GNAQ: variants seen among roughly 807,000 people sequenced by gnomAD.
GNAQ encodes the protein G protein subunit alpha q, also known as guanine nucleotide-binding protein G(q) subunit alpha.
Under a neutral mutation model 43.9 loss-of-function variants are expected in GNAQ, and 8 were observed. The observed-to-expected ratio is 0.18, with a 90% confidence interval of 0.11 to 0.33. The LOEUF is 0.33. Among genes scored for constraint, GNAQ ranks in the 10% least tolerant of loss-of-function variants. The pLI, the probability that GNAQ is intolerant of heterozygous loss-of-function variation, is 1.00. For synonymous variants in GNAQ, 155 were observed against 170.7 expected, an observed-to-expected ratio of 0.91 and a Z score of 0.71; for missense variants, 158 against 450.8, an observed-to-expected ratio of 0.35 and a Z score of 5.88.
At chr9:77,759,255 G>A (rs1490730506) in intron 5 of GNAQ, among the ~76,000 whole-genome samples, 2 of 152,028 alleles carry the variant, frequency 1.3e-5, no homozygotes, top group African/African-American at 4.8e-5. Flanking sequence ...CAAAAATAAC[G>A]TTACAGTTCT....
chr9:77,817,059 CT>C (rs1274088917), intron 2 of GNAQ, among the ~76,000 whole-genome samples: 1 of 152,122 alleles, frequency 6.6e-6, no homozygotes, highest in African/African-American at 2.4e-5. Context: ...ATCCCTGTAG[CT>C]GCTTTCTGTA....
intron 1 of GNAQ, among the ~76,000 whole-genome samples, chr9:78,013,517 T>G (rs1823800600): frequency 6.7e-6 from 1 of 148,536 alleles, no homozygotes; most frequent in Non-Finnish European, 1.5e-5. Flanking sequence ...CCTGCGTCCA[T>G]GTGTTCTCAT....
At chr9:78,029,834 G>A (rs917063351) in intron 1 of GNAQ, among the ~76,000 whole-genome samples, 3 of 152,194 alleles carry the variant, frequency 2.0e-5, no homozygotes, top group Non-Finnish European at 4.4e-5. Flanking sequence ...AGAAATGTTT[G>A]AGAAACACAT....
intron 1 of GNAQ, among the ~76,000 whole-genome samples, chr9:78,000,966 G>A (rs1823636343): frequency 6.6e-6 from 1 of 152,190 alleles, no homozygotes; most frequent in South Asian, 2.1e-4. Context: ...TAACTTTGCA[G>A]TAACCTTGTG....
chr9:77,778,300 T>A (rs1237505457), intron 5 of GNAQ, among the ~76,000 whole-genome samples: 1 of 151,698 alleles, frequency 6.6e-6, no homozygotes, highest in Non-Finnish European at 1.5e-5. Context: ...AAAGAAGGAA[T>A]TAAAAGTATT....
chr9:77,774,987 C>G (rs927791527), intron 5 of GNAQ, among the ~76,000 whole-genome samples: 1 of 152,034 alleles, frequency 6.6e-6, no homozygotes, highest in South Asian at 2.1e-4. Context: ...ATGTATGCAC[C>G]TATAATAAAT....
chr9:77,839,157 T>C (rs2117870154), intron 2 of GNAQ, among the ~76,000 whole-genome samples: 1 of 152,236 alleles, frequency 6.6e-6, no homozygotes, highest in South Asian at 2.1e-4. Flanking sequence ...TGAACAGCAA[T>C]ATGTTGTTAG....
chr9:77,964,854 T>C (rs1325904542), intron 1 of GNAQ, among the ~76,000 whole-genome samples: 1 of 152,270 alleles, frequency 6.6e-6, no homozygotes, highest in African/African-American at 2.4e-5. Context: ...CTCATTTTTA[T>C]AACTAATAAT....
chr9:77,962,474 T>C (rs981463780), intron 1 of GNAQ, among the ~76,000 whole-genome samples: 1 of 151,992 alleles, frequency 6.6e-6, no homozygotes, highest in African/African-American at 2.4e-5. Flanking sequence ...ATTTACTGCT[T>C]ACAAAAAACA....
chr9:77,981,484 C>CG (rs1400545185), intron 1 of GNAQ, among the ~76,000 whole-genome samples: 1 of 152,144 alleles, frequency 6.6e-6, no homozygotes, highest in Non-Finnish European at 1.5e-5. Flanking sequence ...TGGAAGGCCA[C>CG]GGCACAGCAG....
chr9:77,890,746 G>A (rs941849653), intron 2 of GNAQ, among the ~76,000 whole-genome samples: 7 of 152,146 alleles, frequency 4.6e-5, no homozygotes, highest in Non-Finnish European at 8.8e-5. Flanking sequence ...CATAGCTCTA[G>A]TAACAAAAAT....
chr9:77,765,798 C>A (rs953368406), intron 5 of GNAQ, among the ~76,000 whole-genome samples: 2 of 152,166 alleles, frequency 1.3e-5, no homozygotes, highest in African/African-American at 4.8e-5. Flanking sequence ...TTGAGTAGCA[C>A]AATTCACGAC....
At chr9:77,971,628 C>T (rs1823237901) in intron 1 of GNAQ, among the ~76,000 whole-genome samples, 1 of 152,202 alleles carries the variant, frequency 6.6e-6, no homozygotes, top group African/African-American at 2.4e-5. Flanking sequence ...TGGAACGTAT[C>T]TCAAAATAAT....
chr9:77,777,674 CT>C (rs1012228617), intron 5 of GNAQ, among the ~76,000 whole-genome samples: 1 of 151,906 alleles, frequency 6.6e-6, no homozygotes, highest in African/African-American at 2.4e-5. Flanking sequence ...GGCAGAGGAT[CT>C]AAATAGACAT....
At chr9:77,811,220 A>G (rs768279684) in intron 3 of GNAQ, among the ~76,000 whole-genome samples, 8 of 152,062 alleles carry the variant, frequency 5.3e-5, no homozygotes, top group Non-Finnish European at 8.8e-5. Context: ...TGTAAGATGA[A>G]TATTTCTGTA....
At chr9:78,019,611 G>T (rs1434859701) in intron 1 of GNAQ, among the ~76,000 whole-genome samples, 1 of 151,958 alleles carries the variant, frequency 6.6e-6, no homozygotes, top group African/African-American at 2.4e-5. Flanking sequence ...TTTGAATGTC[G>T]GTCATAATTA....
At chr9:77,964,042 G>A (rs1045014061) in intron 1 of GNAQ, among the ~76,000 whole-genome samples, 8 of 152,158 alleles carry the variant, frequency 5.3e-5, no homozygotes, top group Admixed American at 6.5e-5. Context: ...TGTCTCGAAC[G>A]TGATGGGGCT....
chr9:77,732,218 C>T (rs1034566571), intron 5 of GNAQ, among the ~76,000 whole-genome samples: 1 of 152,232 alleles, frequency 6.6e-6, no homozygotes, highest in East Asian at 1.9e-4. Context: ...GTACGAGCCA[C>T]GTGTATGACC....
intron 5 of GNAQ, among the ~76,000 whole-genome samples, chr9:77,764,606 C>T (rs1466730540): frequency 6.6e-6 from 1 of 152,038 alleles, no homozygotes; most frequent in East Asian, 1.9e-4. Context: ...CAGGTGCCCG[C>T]CACCATGCCC....
Sources: gnomAD v4.1 joint callset for allele counts (sites outside exome capture counted in the v4.1 genomes callset) on GRCh38, gnomAD v4.1.1 for gene constraint, MANE v1.5 for transcripts, NCBI Gene and HGNC (gene_info 2026-07-23, HGNC 2026-07-21) for gene names.